The following RAB3GAP2 variants were observed in gnomAD, a reference collection of about 807,000 sequenced individuals.
RAB3GAP2 encodes the protein RAB3 GTPase activating non-catalytic protein subunit 2.
RAB3GAP2 carries 87 observed loss-of-function variants against 185.3 expected under a neutral mutation model. The ratio of observed to expected loss-of-function variants is 0.47; its 90% CI spans 0.39 to 0.56. The LOEUF is 0.56. RAB3GAP2 is among the 20% of genes least tolerant of loss of function. The probability of loss-of-function intolerance (pLI) is 0.00; values close to 1 mark genes in which losing one functional copy is unlikely to be tolerated. For synonymous variants in RAB3GAP2, 554 were observed against 576.1 expected, an observed-to-expected ratio of 0.96 and a Z score of 0.55; for missense variants, 1,492 against 1,638.2, an observed-to-expected ratio of 0.91 and a Z score of 1.54.
At chr1:220,152,161 C>T (rs747916003) in intron 33 of RAB3GAP2, among the ~76,000 whole-genome samples, 1 of 152,168 alleles carries the variant, frequency 6.6e-6, no homozygotes, top group Non-Finnish European at 1.5e-5. Flanking sequence ...CTGCAGCCTC[C>T]ACCTCCTGGG....
At position 220,190,070 on chromosome 1, in the gene RAB3GAP2, T is replaced by C. The variant is rs757897857; in HGVS notation, c.1708A>G (p.Asn570Asp). Residue 570 changes from asparagine (N) to aspartate (D), a missense_variant, in exon 16 of 35, where the codon AAT becomes GAT. Asn to Asp is a conservative substitution (Grantham distance 23, BLOSUM62 1). Coordinates refer to ENST00000358951, the MANE Select transcript of RAB3GAP2 (RefSeq NM_012414.4). ...LAALLKTKSP[N>D]LDLVETEIKE... ...TGTATGAGAGAATACCTACCAAGAT[T>C]GGGAGATTTTGTTTTCAGTAAGGCT... The C allele has an allele frequency of 1.9e-6, 3 of 1,607,024 alleles. No homozygotes were observed. Among genetic ancestry groups the C allele is most frequent in the East Asian group, 2.2e-5 (1 of 44,796 alleles).
At chr1:220,221,332 G>A (rs921622441) in intron 2 of RAB3GAP2, among the ~76,000 whole-genome samples, 7 of 152,128 alleles carry the variant, frequency 4.6e-5, no homozygotes, top group Admixed American at 3.3e-4. Context: ...TCTGCATTAC[G>A]TTTGAAGTGT....
chr1:220,223,199 T>G (rs1351765538), intron 2 of RAB3GAP2, among the ~76,000 whole-genome samples: 5 of 152,144 alleles, frequency 3.3e-5, no homozygotes, highest in Admixed American at 6.5e-5. Context: ...GGCAGGCACA[T>G]GTCACTTTGT....
intron 1 of RAB3GAP2, among the ~76,000 whole-genome samples, chr1:220,246,725 T>C (rs925648700): frequency 7.7e-6 from 1 of 130,460 alleles, no homozygotes; most frequent in Admixed American, 7.8e-5. Flanking sequence ...AACAATGAGA[T>C]CACATGGACA....
rs1253538304 is a variant in RAB3GAP2 at position 220,188,431 on chromosome 1, T to TTAGGACTTGAA, written c.1779+1261_1779+1271dup. On this transcript the variant is annotated intron_variant, in intron 17 of 34. Transcript: ENST00000358951. Reference sequence around the variant, plus strand: ...AAGCATTATGTAAGAATTTGTGGAGTTAGGACTTGAATAGCATTATGAGGG... The same window carrying TTAGGACTTGAA: ...AAGCATTATGTAAGAATTTGTGGAGTTAGGACTTGAATAGGACTTGAATAGCATTATGAGGG... 2.6e-5 allele frequency among the ~76,000 whole-genome samples: 4 copies of TTAGGACTTGAA among 152,136 alleles called. No individual in the cohort carries two copies. The East Asian group carries it at 7.7e-4, about 29-fold the overall frequency.
At chr1:220,167,241 T>C (rs563161924) in intron 26 of RAB3GAP2, 52 bp downstream of exon 26, 2 of 1,491,698 alleles carry the variant, frequency 1.3e-6, no homozygotes, top group African/African-American at 1.4e-5. Flanking sequence ...CATATATGAA[T>C]AGCATGAACA....
intron 10 of RAB3GAP2, 73 bp from the exon 11 acceptor site, chr1:220,195,450 T>G (rs1658706427): frequency 7.3e-6 from 10 of 1,362,846 alleles, no homozygotes; most frequent in Non-Finnish European, 9.4e-6. Flanking sequence ...TAAATAAAGC[T>G]TACTTTAAAA....
rs555267678 is a variant in RAB3GAP2 at position 220,226,741 on chromosome 1, C to T, written c.180+6058G>A. Among the ~76,000 whole-genome samples the T allele has an allele frequency of 5.9e-5, 9 of 152,222 alleles. No homozygotes were observed. The South Asian group carries it at 1.9e-3, about 32-fold the overall frequency. On this transcript the variant is annotated intron_variant, in intron 2 of 34. Transcript: ENST00000358951. ...TCACTTGCCCAATTCAGTACACTTG[C>T]CAATGTACTGACTTGTGTCCCCTTG... is the stretch of plus-strand genomic sequence containing the variant.
At chr1:220,271,916 G>T in intron 1 of RAB3GAP2, among the ~76,000 whole-genome samples, 1 of 124,458 alleles carries the variant, frequency 8.0e-6, no homozygotes. Flanking sequence ...AGAAAGCTAG[G>T]AATGTGTGGG....
rs535164413 is a variant in RAB3GAP2, at chr1:220,212,956, T to C, written c.317A>G (p.Tyr106Cys). The change falls in exon 4 of 35, where the codon TAT (tyrosine) becomes TGT (cysteine). Residue 106 changes from tyrosine (Y) to cysteine (C), a missense_variant. By Grantham distance (194) the Tyr-to-Cys change is radical. Coordinates refer to ENST00000358951, the MANE Select transcript of RAB3GAP2 (RefSeq NM_012414.4). ...CATTTCTTCCTTTCCTTTATCACTA[T>C]ATTTCCATTTTGCTGTAAGAATTAA... ...KAVFLVPKWK[Y>C]SDKGKEEMQF... is the part of the protein sequence containing the mutation. The C allele has an allele frequency of 6.2e-7, 1 of 1,610,712 alleles. No individual in the cohort carries two copies. Among genetic ancestry groups the C allele is most frequent in the East Asian group, 2.2e-5 (1 of 44,788 alleles).
At chr1:220,182,472 T>G in intron 20 of RAB3GAP2, 118 bp from the exon 21 acceptor site, 108 of 1,441,632 alleles carry the variant, frequency 7.5e-5, no homozygotes, top group Non-Finnish European at 9.1e-5. Context: ...GAAGAGAAAT[T>G]AATTGTTCAA....
chr1:220,181,347 G>C (rs996952579), intron 21 of RAB3GAP2, among the ~76,000 whole-genome samples: 3 of 152,072 alleles, frequency 2.0e-5, no homozygotes, highest in African/African-American at 7.2e-5. Flanking sequence ...GGTAATGGAG[G>C]GGGAGGTTCC....
intron 17 of RAB3GAP2, 38 bp from the exon 18 acceptor site, chr1:220,185,779 G>A (rs1377915529): frequency 1.7e-5 from 26 of 1,520,788 alleles, no homozygotes; most frequent in Non-Finnish European, 2.3e-5. Context: ...GTAATTATAA[G>A]GCAGTGATTT....
intron 2 of RAB3GAP2, among the ~76,000 whole-genome samples, chr1:220,224,783 T>C (rs1227886067): frequency 6.6e-6 from 1 of 152,160 alleles, no homozygotes; most frequent in Non-Finnish European, 1.5e-5. Flanking sequence ...TTACAGTTCC[T>C]AGAAAGCTAA....
intron 1 of RAB3GAP2, among the ~76,000 whole-genome samples, chr1:220,244,811 T>TA (rs1388334926): frequency 1.3e-5 from 2 of 151,896 alleles, no homozygotes; most frequent in Non-Finnish European, 2.9e-5. Flanking sequence ...CCATCTCTCA[T>TA]AAAAAATCAA....
At chr1:220,227,196 T>G (rs1278535434) in intron 2 of RAB3GAP2, among the ~76,000 whole-genome samples, 1 of 152,258 alleles carries the variant, frequency 6.6e-6, no homozygotes, top group Non-Finnish European at 1.5e-5. Context: ...TCACAGAAAC[T>G]ATTTAAAGCT....
At chr1:220,211,453 C>A in intron 4 of RAB3GAP2, 1 of 451,394 alleles carries the variant, frequency 2.2e-6, no homozygotes, top group Non-Finnish European at 4.4e-6. Flanking sequence ...ACGTTACATG[C>A]AAACTGTATT....
chr1:220,162,365 C>T, intron 27 of RAB3GAP2, 97 bp from the exon 28 acceptor site: 1 of 801,778 alleles, frequency 1.2e-6, no homozygotes, highest in South Asian at 1.6e-5. Flanking sequence ...ACTATATAGA[C>T]TATTTTGATT....
rs778048062 is a variant in RAB3GAP2 at position 220,151,687 on chromosome 1, C to G, written c.3945G>C (p.Ala1315=). The change falls in exon 34 of 35, where the codon GCG becomes GCC. Residue 1315 remains alanine, a synonymous_variant. Transcript: ENST00000358951. The part of the protein sequence containing the change: ...LVLTGQRLAH[A]LLHTQTKEGM... ...CTTCTTTTGTCTGGGTGTGGAGAAG[C>G]GCATGAGCCAGCCTTTGCCCCGTGA... is the stretch of plus-strand genomic sequence containing the variant. 1 of 1,611,192 alleles carries G rather than the reference C, an allele frequency of 6.2e-7. No homozygotes were observed.
Sources: gnomAD v4.1 joint callset for allele counts (sites outside exome capture counted in the v4.1 genomes callset) on GRCh38, gnomAD v4.1.1 for gene constraint, MANE v1.5 for transcripts, NCBI Gene and HGNC (gene_info 2026-07-23, HGNC 2026-07-21) for gene names.